CCSER1: variants seen among roughly 807,000 people sequenced by gnomAD.
CCSER1 encodes the protein coiled-coil serine rich protein 1.
CCSER1 carries 41 observed loss-of-function variants against 82.0 expected under a neutral mutation model. That is an observed-to-expected ratio of 0.50 (90% CI 0.39 to 0.65). The LOEUF (loss-of-function observed/expected upper bound fraction) is 0.65. Among genes scored for constraint, CCSER1 ranks in the 30% least tolerant of loss-of-function variants. The pLI is 0.00. For synonymous variants in CCSER1, 414 were observed against 383.9 expected (o/e 1.08, Z -0.92); for missense variants, 1,119 against 1,064.2 (o/e 1.05, Z -0.72).
chr4:90,654,333 C>CA (rs1185931482), intron 6 of CCSER1, among the ~76,000 whole-genome samples: 1 of 151,640 alleles, frequency 6.6e-6, no homozygotes, highest in South Asian at 2.1e-4. Flanking sequence ...AGCTGTATTA[C>CA]AAAAAAAGGA....
chr4:91,136,533 TA>T (rs1728485650), intron 10 of CCSER1, among the ~76,000 whole-genome samples: 1 of 152,308 alleles, frequency 6.6e-6, no homozygotes, highest in African/African-American at 2.4e-5. Context: ...TTCTTTTCAA[TA>T]CTATTTAATT....
chr4:90,605,112 C>T (rs1466283836), intron 5 of CCSER1, among the ~76,000 whole-genome samples: 4 of 152,168 alleles, frequency 2.6e-5, no homozygotes, highest in Admixed American at 6.5e-5. Flanking sequence ...CCATGATGGT[C>T]TGCAGCTTCT....
intron 7 of CCSER1, among the ~76,000 whole-genome samples, chr4:90,807,547 A>G (rs1162753566): frequency 6.6e-6 from 1 of 152,122 alleles, no homozygotes; most frequent in Non-Finnish European, 1.5e-5. Context: ...GCCAGCATGG[A>G]CAACATAAAG....
rs866179970 is a variant in CCSER1, at chr4:91,441,704, C to T, written c.2218-156868C>T. The stretch of plus-strand genomic sequence containing the variant: ...TTGTCCCTGTTTGCAGATGACATGA[C>T]TGTATATCTAGAAAACCCCATTGTC... On this transcript the variant is annotated intron_variant, in intron 10 of 10. Transcript: ENST00000509176. Among the ~76,000 whole-genome samples, 72 of 152,098 alleles carry T rather than the reference C, an allele frequency of 4.7e-4. No homozygotes were observed. In the Middle Eastern group the frequency reaches 0.014, roughly 29 times the overall value.
intron 10 of CCSER1, among the ~76,000 whole-genome samples, chr4:91,401,668 C>T (rs773369848): frequency 1.9e-4 from 29 of 151,950 alleles, no homozygotes; most frequent in East Asian, 3.9e-4. Context: ...TCTGTCCTTG[C>T]GATAGTTTGC....
intron 10 of CCSER1, among the ~76,000 whole-genome samples, chr4:91,126,215 C>A (rs55982447): frequency 0.3 from 45,377 of 151,646 alleles, 8,026 homozygotes; most frequent in East Asian, 0.46. Flanking sequence ...CTAAAGATGC[C>A]TCTGTTAACT....
intron 6 of CCSER1, among the ~76,000 whole-genome samples, chr4:90,700,877 T>A (rs1737952754): frequency 6.6e-6 from 1 of 152,100 alleles, no homozygotes; most frequent in East Asian, 1.9e-4. Flanking sequence ...TATATTCTGG[T>A]TATTAGCCCT....
chr4:91,297,865 T>C (rs1464567281), intron 10 of CCSER1, among the ~76,000 whole-genome samples: 1 of 152,026 alleles, frequency 6.6e-6, no homozygotes, highest in African/African-American at 2.4e-5. Flanking sequence ...ATTTTTTGAA[T>C]AAGCAGTTTG....
intron 10 of CCSER1, among the ~76,000 whole-genome samples, chr4:91,277,947 T>G (rs1242603650): frequency 6.6e-6 from 1 of 152,134 alleles, no homozygotes; most frequent in African/African-American, 2.4e-5. Context: ...CCAATGGTTA[T>G]TCAGGAGCAT....
At chr4:91,409,837 C>G (rs1752925067) in intron 10 of CCSER1, among the ~76,000 whole-genome samples, 1 of 152,144 alleles carries the variant, frequency 6.6e-6, no homozygotes, top group African/African-American at 2.4e-5. Context: ...CGCCTGCCAC[C>G]ATGACTGGCT....
intron 1 of CCSER1, among the ~76,000 whole-genome samples, chr4:90,256,952 T>G (rs1723412145): frequency 6.6e-6 from 1 of 152,192 alleles, no homozygotes; most frequent in South Asian, 2.1e-4. Flanking sequence ...TAAATTAAAT[T>G]TTACCATATA....
intron 10 of CCSER1, among the ~76,000 whole-genome samples, chr4:91,499,954 A>G (rs1419418466): frequency 6.6e-6 from 1 of 152,028 alleles, no homozygotes; most frequent in East Asian, 1.9e-4. Context: ...TAGGTTTCTG[A>G]GTGCATATAT....
At chr4:90,837,748 C>T (rs1223399220) in intron 8 of CCSER1, among the ~76,000 whole-genome samples, 2 of 152,164 alleles carry the variant, frequency 1.3e-5, no homozygotes, top group Middle Eastern at 3.4e-3. Context: ...CATGGGACAT[C>T]TTAGTTGAGA....
chr4:90,977,112 G>A (rs1362791778), intron 9 of CCSER1, among the ~76,000 whole-genome samples: 2 of 151,388 alleles, frequency 1.3e-5, no homozygotes, highest in South Asian at 2.1e-4. Flanking sequence ...TTCATATTTG[G>A]AATAAAAATA....
At chr4:90,795,564 T>A (rs552839560) in intron 7 of CCSER1, among the ~76,000 whole-genome samples, 3 of 152,336 alleles carry the variant, frequency 2.0e-5, no homozygotes, top group African/African-American at 7.2e-5. Flanking sequence ...GGCATCCTTG[T>A]CTTTTGCTGG....
At chr4:90,847,536 C>A (rs1424180907) in intron 8 of CCSER1, among the ~76,000 whole-genome samples, 1 of 152,146 alleles carries the variant, frequency 6.6e-6, no homozygotes, top group Non-Finnish European at 1.5e-5. Flanking sequence ...CCATCTTTTA[C>A]ATTAAAATCT....
intron 9 of CCSER1, among the ~76,000 whole-genome samples, chr4:91,080,387 A>G (rs776450304): frequency 2.3e-4 from 35 of 152,198 alleles, no homozygotes; most frequent in African/African-American, 4.8e-4. Flanking sequence ...AAGACACAAC[A>G]CACCAGAATC....
chr4:91,236,022 G>T (rs1269052243), intron 10 of CCSER1, among the ~76,000 whole-genome samples: 1 of 79,810 alleles, frequency 1.3e-5, no homozygotes, highest in Non-Finnish European at 2.3e-5. Context: ...ATCAAAATGG[G>T]TTAAATTTTT....
intron 10 of CCSER1, among the ~76,000 whole-genome samples, chr4:91,474,205 A>C (rs2141848): frequency 0.58 from 88,678 of 151,612 alleles, 26,456 homozygotes; most frequent in East Asian, 0.86. Context: ...AGTAAGAAAA[A>C]CAAAACCTTT....
Sources: gnomAD v4.1 joint callset for allele counts (sites outside exome capture counted in the v4.1 genomes callset) on GRCh38, gnomAD v4.1.1 for gene constraint, MANE v1.5 for transcripts, NCBI Gene and HGNC (gene_info 2026-07-23, HGNC 2026-07-21) for gene names.